MBNL3: variants seen among roughly 807,000 people sequenced by gnomAD.
The protein encoded by MBNL3 is muscleblind-like protein 3.
MBNL3 carries 6 observed loss-of-function variants against 24.5 expected under a neutral mutation model. That is an observed-to-expected ratio of 0.25 (90% CI 0.13 to 0.48). The LOEUF (loss-of-function observed/expected upper bound fraction) is 0.48. MBNL3 is among the 20% of genes least tolerant of loss of function. MBNL3 has a pLI of 0.99. For missense variants in MBNL3, 230 were observed against 293.5 expected (o/e 0.78, Z 1.58); for synonymous variants, 100 against 101.7 (o/e 0.98, Z 0.10).
chrX:132,482,273 T>C (rs1055358877), intron 1 of MBNL3, among the ~76,000 whole-genome samples: 3 of 112,723 alleles, frequency 2.7e-5, no homozygotes, highest in African/African-American at 9.7e-5. Flanking sequence ...GTGATGGATA[T>C]GCTAAATACC....
chrX:132,410,417 A>G (rs1603217302), intron 2 of MBNL3, among the ~76,000 whole-genome samples: 1 of 111,794 alleles, frequency 8.9e-6, no homozygotes, highest in African/African-American at 3.2e-5. Context: ...ACCCTTTGTC[A>G]GCCACAGTAT....
chrX:132,372,394 T>C lies in MBNL3; in HGVS notation c.*7272A>G, dbSNP rs1933694385. ...GGAAAATCCTTCAAAAGTTTTTTAA[T>C]TTAAATCATTGTAATTTGGGAGCAT... On this transcript the variant is annotated 3_prime_UTR_variant, in exon 9 of 9. Transcript: ENST00000370853. 1 of 109,730 alleles carries C rather than the reference T, an allele frequency of 9.1e-6. No homozygotes were observed. The highest frequency in any genetic ancestry group is 3.3e-5 in the African/African-American group (1 of 30,465). The allele number at this position is 109,730 out of a possible 1,213,427, so 9.0% of individuals were successfully genotyped here. A position where few individuals can be genotyped will look rare whatever the true frequency, so the allele number is the denominator to read the frequency against.
Position 132,453,862 on chromosome X carries a change from C to T in MBNL3, c.-703-13548G>A, listed in dbSNP as rs375366257. On this transcript the variant is annotated intron_variant, in intron 1 of 8. Coordinates refer to ENST00000370853, the MANE Select transcript of MBNL3 (RefSeq NM_001386889.1). Reference sequence around the variant, plus strand: ...ATCCTAGCACTTTGGGAGACTGAGGCGGGCGGATCACTTGAGGCCAGGAGT... The same window carrying T: ...ATCCTAGCACTTTGGGAGACTGAGGTGGGCGGATCACTTGAGGCCAGGAGT... Among the ~76,000 whole-genome samples, 11 of 110,884 alleles carry T rather than the reference C, an allele frequency of 9.9e-5. No homozygotes were observed. The East Asian group carries it at 2.8e-3, about 29-fold the overall frequency.
chrX:132,406,113 A>G (rs904512005), intron 3 of MBNL3, 115 bp downstream of exon 3: 3 of 865,314 alleles, frequency 3.5e-6, no homozygotes, highest in Non-Finnish European at 5.1e-6. Flanking sequence ...TGTAGTGTCA[A>G]TGAACATATT....
At chrX:132,422,953 A>T (rs1943960231) in intron 2 of MBNL3, among the ~76,000 whole-genome samples, 1 of 110,948 alleles carries the variant, frequency 9.0e-6, no homozygotes, top group Non-Finnish European at 1.9e-5. Context: ...ATTTTTGAGA[A>T]CCCCTGCTCT....
At chrX:132,465,574 T>C (rs771750187) in intron 1 of MBNL3, among the ~76,000 whole-genome samples, 27 of 112,450 alleles carry the variant, frequency 2.4e-4, no homozygotes, top group Non-Finnish European at 5.6e-5. Flanking sequence ...GTTCTTCATC[T>C]TCGTTCTTCT....
At chrX:132,432,833 T>TA (rs1467135905) in intron 2 of MBNL3, 4 of 107,159 alleles carry the variant, frequency 3.7e-5, no homozygotes, top group African/African-American at 1.4e-4. Context: ...GCCCTTCTCA[T>TA]AAAAAACAGA....
chrX:132,442,826 G>A (rs1324763193), intron 1 of MBNL3, among the ~76,000 whole-genome samples: 1 of 112,071 alleles, frequency 8.9e-6, no homozygotes, highest in East Asian at 2.8e-4. Context: ...AGCATTTCTA[G>A]CCACCACATG....
chrX:132,428,530 T>C (rs1257916036), intron 2 of MBNL3, among the ~76,000 whole-genome samples: 1 of 105,735 alleles, frequency 9.5e-6, no homozygotes, highest in Admixed American at 1.0e-4. Flanking sequence ...AAAAAAACCA[T>C]AAATTTAAGA....
At chrX:132,379,879 C>A (rs1424767246) in intron 8 of MBNL3, among the ~76,000 whole-genome samples, 2 of 111,567 alleles carry the variant, frequency 1.8e-5, no homozygotes, top group South Asian at 7.5e-4. Flanking sequence ...GTCTATGATA[C>A]CCTTTGAGTG....
rs776379136 is a variant in MBNL3 at position 132,463,662 on chromosome X, TAAG to T, written c.-703-23351_-703-23349del. 1.5e-3 allele frequency among the ~76,000 whole-genome samples: 168 copies of T among 111,191 alleles called. 3 individuals carry two copies. The highest frequency in any genetic ancestry group is 5.2e-3 in the African/African-American group (160 of 30,567). ...TGCAAGCATAGTGGCTAGTTAAAAATAAGGAGTTTCGCACACAATTTTAAAAAA... is the reference window on the plus strand; with the variant it reads ...TGCAAGCATAGTGGCTAGTTAAAAATGAGTTTCGCACACAATTTTAAAAAA... On this transcript the variant is annotated intron_variant, in intron 1 of 8. Transcript: ENST00000370853.
chrX:132,394,448 G>GA (rs1190949289), intron 3 of MBNL3, among the ~76,000 whole-genome samples: 2 of 112,044 alleles, frequency 1.8e-5, no homozygotes, highest in Non-Finnish European at 3.8e-5. Context: ...TCTCTGATGA[G>GA]AAAGAGTCCA....
intron 1 of MBNL3, among the ~76,000 whole-genome samples, chrX:132,460,794 G>C: frequency 9.1e-6 from 1 of 110,342 alleles, no homozygotes; most frequent in Non-Finnish European, 1.9e-5. Context: ...TGAGATTTTG[G>C]TGCACCCATT....
At chrX:132,485,869 A>G (rs776093185) in intron 1 of MBNL3, among the ~76,000 whole-genome samples, 1 of 112,000 alleles carries the variant, frequency 8.9e-6, no homozygotes, top group Non-Finnish European at 1.9e-5. Context: ...TCTGATTTCT[A>G]TTTTCTTGAT....
At chrX:132,431,002 C>G (rs1444972639) in intron 2 of MBNL3, 1 of 111,830 alleles carries the variant, frequency 8.9e-6, no homozygotes, top group Non-Finnish European at 1.9e-5. Context: ...CTCCTGGCCT[C>G]AAAAGATCCT....
intron 2 of MBNL3, among the ~76,000 whole-genome samples, chrX:132,419,735 TGC>T (rs1195554298): frequency 1.8e-5 from 2 of 112,116 alleles, no homozygotes; most frequent in African/African-American, 3.2e-5. Context: ...ACTTTTTCAG[TGC>T]TTCAAATGTA....
At chrX:132,396,915 CATAT>C (rs1176044919) in intron 3 of MBNL3, among the ~76,000 whole-genome samples, 1 of 36,575 alleles carries the variant, frequency 2.7e-5, no homozygotes, top group Admixed American at 3.8e-4. Context: ...TACATATATA[CATAT>C]ATATTCATAT....
chrX:132,426,665 A>G, intron 2 of MBNL3, among the ~76,000 whole-genome samples: 1 of 111,335 alleles, frequency 9.0e-6, no homozygotes, highest in Non-Finnish European at 1.9e-5. Flanking sequence ...TGTCTCTGCC[A>G]TGACTCCATC....
chrX:132,382,774 A>G (rs1036361761), intron 7 of MBNL3, among the ~76,000 whole-genome samples: 1 of 112,157 alleles, frequency 8.9e-6, no homozygotes, highest in African/African-American at 3.2e-5. Context: ...GCAAACAGGC[A>G]GTTATATGTA....
Sources: gnomAD v4.1 joint callset for allele counts (sites outside exome capture counted in the v4.1 genomes callset) on GRCh38, gnomAD v4.1.1 for gene constraint, MANE v1.5 for transcripts, NCBI Gene and HGNC (gene_info 2026-07-23, HGNC 2026-07-21) for gene names.